JAKMIP3: variants seen among roughly 807,000 people sequenced by gnomAD.
JAKMIP3 encodes the protein janus kinase and microtubule-interacting protein 3.
A neutral mutation model predicts 118.5 loss-of-function variants in JAKMIP3; 58 were observed. The observed-to-expected ratio is 0.49, with a 90% confidence interval of 0.40 to 0.61. The LOEUF is 0.61. Ranked by LOEUF, JAKMIP3 falls within the 20% of genes least tolerant of loss-of-function variation. The pLI, the probability that JAKMIP3 is intolerant of heterozygous loss-of-function variation, is 0.00. For missense variants in JAKMIP3, 950 were observed against 1,109.0 expected (o/e 0.86, Z 2.04); for synonymous variants, 486 against 451.2 (o/e 1.08, Z -0.98).
chr10:132,135,284 T>A, intron 5 of JAKMIP3, 124 bp downstream of exon 5: 1 of 965,566 alleles, frequency 1.0e-6, no homozygotes, highest in Non-Finnish European at 1.5e-6. Context: ...CGGCCTTGCG[T>A]CGAAGTCTCC....
chr10:132,156,877 A>T (rs1356112020), intron 19 of JAKMIP3, among the ~76,000 whole-genome samples: 1 of 152,004 alleles, frequency 6.6e-6, no homozygotes. Context: ...TTAATATTGC[A>T]TTTTTTTTCT....
At chr10:132,068,134 CTGGACTGTGGGTTTCTGTG>C (rs1257128135) in intron 1 of JAKMIP3, among the ~76,000 whole-genome samples, 1 of 142,238 alleles carries the variant, frequency 7.0e-6, no homozygotes, top group Non-Finnish European at 1.5e-5. Flanking sequence ...TCCGTGTGGA[CTGGACTGTGGGTTTCTGTG>C]TGGACTGTGG....
At chr10:132,103,395 G>A (rs913767786) in intron 1 of JAKMIP3, among the ~76,000 whole-genome samples, 3 of 142,068 alleles carry the variant, frequency 2.1e-5, no homozygotes, top group African/African-American at 5.5e-5. Context: ...GAGACGGGGA[G>A]GAGCACCTGG....
chr10:132,174,698 G>A lies in JAKMIP3; in HGVS notation c.*1103+5665G>A, dbSNP rs529634115. On this transcript the variant is annotated intron_variant, in intron 23 of 23. Transcript: ENST00000684848. ...TTTTTATAAGTAACTGTTGTCCAGA[G>A]TGACTGTTCCATTTTGCATTTCCAC... Among the ~76,000 whole-genome samples the A allele has an allele frequency of 2.6e-5, 4 of 152,316 alleles. No individual in the cohort carries two copies. The South Asian group carries it at 8.3e-4, about 32-fold the overall frequency.
At chr10:132,078,877 G>C (rs1342608655) in intron 1 of JAKMIP3, among the ~76,000 whole-genome samples, 1 of 152,364 alleles carries the variant, frequency 6.6e-6, no homozygotes, top group East Asian at 1.9e-4. Context: ...CAGGCCTAGG[G>C]GGCCGGATGA....
intron 1 of JAKMIP3, among the ~76,000 whole-genome samples, chr10:132,046,486 G>A (rs1444242103): frequency 1.3e-5 from 2 of 151,750 alleles, no homozygotes; most frequent in Admixed American, 1.3e-4. Flanking sequence ...CATCCAGGGC[G>A]TCCACTTTGC....
intron 1 of JAKMIP3, among the ~76,000 whole-genome samples, chr10:132,077,014 GC>G (rs2040923095): frequency 6.6e-6 from 1 of 152,084 alleles, no homozygotes; most frequent in Non-Finnish European, 1.5e-5. Flanking sequence ...CCGCGTGAGG[GC>G]TGGTCTGTGG....
intron 1 of JAKMIP3, among the ~76,000 whole-genome samples, chr10:132,066,401 G>C (rs1178429679): frequency 2.6e-5 from 4 of 152,202 alleles, no homozygotes; most frequent in Non-Finnish European, 1.5e-5. Context: ...GGGTGGGTTG[G>C]GGAAGCCAGG....
In JAKMIP3 at chr10:132,163,299, G is replaced by C; in HGVS notation, c.2311G>C (p.Glu771Gln). Residue 771 changes from glutamate to glutamine, a missense_variant, in exon 20 of 24, where the codon GAG (glutamate) becomes CAG (glutamine). By Grantham distance (29) the Glu-to-Gln change is conservative. Transcript: ENST00000684848. ...TGAGCTGCTGTCAGAGGAGGAGCGC[G>C]AGAAGCTCAAGGTGGCCGTGGAGCA... ...VAELLSEEER[E>Q]KLKVAVEQWK... 3 of 1,605,370 alleles carry C rather than the reference G, an allele frequency of 1.9e-6. No homozygotes were observed. The highest frequency in any genetic ancestry group is 2.5e-6 in the Non-Finnish European group (3 of 1,177,150).
intron 19 of JAKMIP3, 132 bp from the exon 20 acceptor site, chr10:132,163,077 C>G: frequency 1.2e-6 from 1 of 854,924 alleles, no homozygotes; most frequent in Non-Finnish European, 1.8e-6. Context: ...GGCCACAGCA[C>G]TGGGTCCCTC....
intron 23 of JAKMIP3, among the ~76,000 whole-genome samples, chr10:132,169,263 C>T (rs2059231809): frequency 6.6e-6 from 1 of 152,122 alleles, no homozygotes; most frequent in Non-Finnish European, 1.5e-5. Flanking sequence ...CATGGTGCTC[C>T]ACGGGGACCT....
At chr10:132,165,162 G>C (rs974988840) in intron 21 of JAKMIP3, among the ~76,000 whole-genome samples, 46 of 152,300 alleles carry the variant, frequency 3.0e-4, no homozygotes, top group African/African-American at 1.1e-3. Flanking sequence ...AGAAGCACCC[G>C]TTGACGTGCA....
At chr10:132,068,159 T>C (rs1377764844) in intron 1 of JAKMIP3, among the ~76,000 whole-genome samples, 1 of 150,770 alleles carries the variant, frequency 6.6e-6, no homozygotes, top group Non-Finnish European at 1.5e-5. Flanking sequence ...CTGTGTGGAC[T>C]GTGGGTTTCT....
chr10:132,119,143 A>G (rs568711985), intron 3 of JAKMIP3, among the ~76,000 whole-genome samples: 1 of 151,344 alleles, frequency 6.6e-6, no homozygotes, highest in African/African-American at 2.4e-5. Context: ...GCATGCTCCA[A>G]CCTGTGTCTT....
Position 132,117,618 on chromosome 10 carries a change from CGGGCG to C in JAKMIP3, c.633+45_633+49del. 1.5e-6 allele frequency: 1 copy of C among 673,952 alleles called. No homozygotes were observed. The allele number at this position is 673,952 out of a possible 1,614,324, so 41.7% of individuals were successfully genotyped here. A position where few individuals can be genotyped will look rare whatever the true frequency, so the allele number is the denominator to read the frequency against. ...GCGGGCGTGGGCGAGGGTGCAGGGG[CGGGCG>C]TGGGCGAGGGTGCAGGGGCGGGCGT... On this transcript the variant is annotated intron_variant, in intron 3 of 23. Coordinates refer to ENST00000684848, the MANE Select transcript of JAKMIP3 (RefSeq NM_001323087.2). The surrounding 1 kb of genome is among the most constrained non-coding windows in gnomAD (Gnocchi z 8.6).
At chr10:132,171,044 C>T (rs75636480) in intron 23 of JAKMIP3, among the ~76,000 whole-genome samples, 4,835 of 152,304 alleles carry the variant, frequency 0.032, 241 homozygotes, top group African/African-American at 0.1. Context: ...GAAACCTGTC[C>T]CCGCTGGAGC....
chr10:132,096,446 G>A lies in JAKMIP3; in HGVS notation c.-137-8226G>A, dbSNP rs115708496. Among the ~76,000 whole-genome samples, 562 of 152,254 alleles carry A rather than the reference G, an allele frequency of 3.7e-3. 5 individuals are homozygous for A. Among genetic ancestry groups the A allele is most frequent in the African/African-American group, 0.013 (530 of 41,548 alleles). On this transcript the variant is annotated intron_variant, in intron 1 of 23. Transcript: ENST00000684848. Reference sequence around the variant, plus strand: ...GGCCATGCCCTTGAGCCCTGGAGCCGACGGCTGTTTCCTTAACACGGGGTG... The same window carrying A: ...GGCCATGCCCTTGAGCCCTGGAGCCAACGGCTGTTTCCTTAACACGGGGTG...
intron 9 of JAKMIP3, among the ~76,000 whole-genome samples, chr10:132,139,511 A>C (rs951287630): frequency 1.6e-5 from 1 of 60,684 alleles, no homozygotes; most frequent in Middle Eastern, 0.01. Flanking sequence ...TGTATGTGTG[A>C]GTGTGAGTGT....
intron 1 of JAKMIP3, among the ~76,000 whole-genome samples, chr10:132,099,927 G>A (rs1436702921): frequency 4.6e-5 from 7 of 152,196 alleles, no homozygotes; most frequent in Non-Finnish European, 8.8e-5. Context: ...TGGAGGGCTC[G>A]TCTGCATCTG....
Sources: allele counts gnomAD v4.1 joint callset (sites outside exome capture counted in the v4.1 genomes callset), GRCh38; gene constraint gnomAD v4.1.1; non-coding constraint Gnocchi (gnomAD v3.1); transcripts MANE v1.5; gene names NCBI Gene and HGNC (gene_info 2026-07-23, HGNC 2026-07-21).